Variants in FAM186A observed in about 807,000 individuals in gnomAD.
FAM186A encodes family with sequence similarity 186 member A, also known as protein FAM186A.
In FAM186A, 163 loss-of-function variants were observed where a neutral mutation model predicts 216.8. That is an observed-to-expected ratio of 0.75 (90% CI 0.66 to 0.86). The LOEUF (loss-of-function observed/expected upper bound fraction) is 0.86. Ranked by LOEUF, FAM186A falls within the 40% of genes least tolerant of loss-of-function variation. The pLI, the probability that FAM186A is intolerant of heterozygous loss-of-function variation, is 0.00. For synonymous variants in FAM186A, 805 were observed against 1,025.3 expected (o/e 0.79, Z 4.10); for missense variants, 2,184 against 2,746.2 (o/e 0.80, Z 4.58).
intron 1 of FAM186A, among the ~76,000 whole-genome samples, chr12:50,387,975 T>G (rs1310237453): frequency 1.3e-5 from 2 of 152,204 alleles, no homozygotes; most frequent in African/African-American, 4.8e-5. Flanking sequence ...TCATATTCTC[T>G]CTGGGCACAC....
Position 50,356,318 on chromosome 12 carries a change from A to G in FAM186A, c.584-70T>C, listed in dbSNP as rs116386980. Reference sequence around the variant, plus strand: ...TGCATTGTGTTCTATCTATGTTTAAATCTAAGGAATTTAGCCTAGATTAAC... The same window carrying G: ...TGCATTGTGTTCTATCTATGTTTAAGTCTAAGGAATTTAGCCTAGATTAAC... On this transcript the variant is annotated intron_variant, in intron 3 of 7. Coordinates refer to ENST00000327337, the MANE Select transcript of FAM186A (RefSeq NM_001145475.3). 625 of 1,277,748 alleles carry G rather than the reference A, an allele frequency of 4.9e-4. 5 individuals are homozygous for G. In the African/African-American group the frequency reaches 8.7e-3, roughly 18 times the overall value. The allele number at this position is 1,277,748 out of a possible 1,614,324, so 79.2% of individuals were successfully genotyped here. A position where few individuals can be genotyped will look rare whatever the true frequency, so the allele number is the denominator to read the frequency against.
Position 50,351,676 on chromosome 12 carries a change from T to C in FAM186A, c.5156A>G (p.Lys1719Arg), listed in dbSNP as rs1274899534. Residue 1719 changes from lysine (K) to arginine (R), a missense_variant, in exon 4 of 8, where the codon AAG (lysine) becomes AGG (arginine). Lys to Arg is a conservative substitution (Grantham distance 26). Around this residue, in one of 7 missense-constraint regions of FAM186A, gnomAD observed 721 missense variants for 816.4 expected, o/e 0.88. Transcript: ENST00000327337. ...GGATTGCCCAGTGGGGAGAGAAGCC[T>C]TCGATTTCTGAAATGGTCTATGGGA... ...QWSHRPFQKS[K>R]ASLPTGQSII... 2 of 1,551,568 alleles carry C rather than the reference T, an allele frequency of 1.3e-6. No individual in the cohort carries two copies. Among genetic ancestry groups the C allele is most frequent in the South Asian group, 1.2e-5 (1 of 84,068 alleles).
chr12:50,354,361 T>C lies in FAM186A; in HGVS notation c.2471A>G (p.Glu824Gly). ...DHKEKEKQRQ[E>G]QYLQEGQEQM... is the part of the protein sequence containing the mutation. Reference sequence around the variant, plus strand: ...TTCTTGACCCTCTTGCAAATATTGCTCCTGCCTTTGTTTTTCCTTCTCCTT... The same window carrying C: ...TTCTTGACCCTCTTGCAAATATTGCCCCTGCCTTTGTTTTTCCTTCTCCTT... Residue 824 changes from glutamate to glycine, a missense_variant, in exon 4 of 8, where the codon GAG becomes GGG. This residue lies in a region of FAM186A where 1,132 missense variants were observed against 1,263.4 expected (regional missense o/e 0.90). Coordinates refer to ENST00000327337, the MANE Select transcript of FAM186A (RefSeq NM_001145475.3). 1 of 1,551,678 alleles carries C rather than the reference T, an allele frequency of 6.4e-7. No homozygotes were observed. The highest frequency in any genetic ancestry group is 8.7e-7 in the Non-Finnish European group (1 of 1,146,998).
intron 1 of FAM186A, among the ~76,000 whole-genome samples, chr12:50,395,121 G>A (rs755711897): frequency 6.6e-6 from 1 of 152,088 alleles, no homozygotes; most frequent in African/African-American, 2.4e-5. Context: ...TTGAGACAGG[G>A]TCTCGCTATG....
rs1410173249 is a variant in FAM186A at position 50,351,520 on chromosome 12, G to A, written c.5312C>T (p.Pro1771Leu). Residue 1771 changes from proline to leucine, a missense_variant, in exon 4 of 8, where the codon CCC becomes CTC. Around this residue, in one of 7 missense-constraint regions of FAM186A, gnomAD observed 721 missense variants for 816.4 expected, o/e 0.88. Transcript: ENST00000327337. ...TTCTAGGGGCTTCCCAGGGGCAAAG[G>A]GGCCTTGGTTGAGGGGAACCCTTGA... ...QISRVPLNQG[P>L]FAPGKPLEMG... 7.9e-6 allele frequency: 12 copies of A among 1,512,062 alleles called. No homozygotes were observed. In the East Asian group the frequency reaches 2.9e-4, roughly 37 times the overall value. 93.7% of individuals were successfully genotyped at this position (1,512,062 alleles called of 1,614,324 possible).
intron 1 of FAM186A, among the ~76,000 whole-genome samples, chr12:50,389,178 C>T (rs988453819): frequency 2.6e-5 from 4 of 151,928 alleles, no homozygotes; most frequent in Admixed American, 2.0e-4. Flanking sequence ...CTAGCTTGAG[C>T]ACAATAACAA....
intron 1 of FAM186A, among the ~76,000 whole-genome samples, chr12:50,375,507 C>A (rs1206509269): frequency 6.6e-6 from 1 of 151,220 alleles, no homozygotes; most frequent in African/African-American, 2.4e-5. Context: ...CGAGATTGCA[C>A]CATTGCACTC....
rs532880129 is a variant in FAM186A, at chr12:50,332,607, G to T, written c.6697-786C>A. ...TCCTCTGAAATGCCCTAGGCATTGT[G>T]ATTCCTGTTAGATAACGCATGTTGC... On this transcript the variant is annotated intron_variant, in intron 5 of 7. Transcript: ENST00000327337. 1.4e-4 allele frequency among the ~76,000 whole-genome samples: 22 copies of T among 152,216 alleles called. 1 individual carries two copies. Among genetic ancestry groups the T allele is most frequent in the Middle Eastern group, 3.4e-3 (1 of 294 alleles).
Position 50,396,419 on chromosome 12 carries a change from G to A in FAM186A, c.66C>T (p.Ser22=). Reference sequence around the variant, plus strand: ...TTTGGGGCTCTCTTCTCATGATGGTGGAATCCTTGATGCATTTTTCTGATT... The same window carrying A: ...TTTGGGGCTCTCTTCTCATGATGGTAGAATCCTTGATGCATTTTTCTGATT... ...DPESEKCIKD[S]TIMRREPQNI... The change falls in exon 1 of 8, where the codon TCC becomes TCT. Residue 22 remains serine (S), a synonymous_variant. Coordinates refer to ENST00000327337, the MANE Select transcript of FAM186A (RefSeq NM_001145475.3). 6.4e-7 allele frequency: 1 copy of A among 1,551,408 alleles called. No individual in the cohort carries two copies.
At chr12:50,372,055 A>G (rs1592625114) in intron 1 of FAM186A, among the ~76,000 whole-genome samples, 1 of 151,892 alleles carries the variant, frequency 6.6e-6, no homozygotes, top group Admixed American at 6.6e-5. Flanking sequence ...CAGGTGATCC[A>G]CCTGCCTTGG....
chr12:50,331,655 C>A lies in FAM186A; in HGVS notation c.6848+15G>T, dbSNP rs1942657137. ...ATATCGTCCAAAGTTTAATATCAGT[C>A]TTTCTAGCACATACCTAAATTTCTT... On this transcript the variant is annotated intron_variant, in intron 6 of 7. Transcript: ENST00000327337. The A allele has an allele frequency of 3.3e-6, 5 of 1,526,428 alleles. No homozygotes were observed. In the South Asian group the frequency reaches 6.4e-5, roughly 19 times the overall value. The allele number at this position is 1,526,428 out of a possible 1,614,324, so 94.6% of individuals were successfully genotyped here.
intron 1 of FAM186A, among the ~76,000 whole-genome samples, chr12:50,391,542 C>G (rs1943357356): frequency 6.6e-6 from 1 of 151,672 alleles, no homozygotes; most frequent in African/African-American, 2.4e-5. Context: ...TCTCAAACTC[C>G]TGACCTTGTG....
chr12:50,328,099 T>C (rs1343577246), intron 7 of FAM186A, among the ~76,000 whole-genome samples: 1 of 152,256 alleles, frequency 6.6e-6, no homozygotes, highest in Non-Finnish European at 1.5e-5. Context: ...AATGGAATTT[T>C]TGTAGGAAAA....
intron 7 of FAM186A, among the ~76,000 whole-genome samples, chr12:50,329,694 C>G (rs1466551959): frequency 6.6e-6 from 1 of 151,706 alleles, no homozygotes; most frequent in Non-Finnish European, 1.5e-5. Flanking sequence ...ACCTCCTGGG[C>G]TCAAGCAATT....
chr12:50,396,223 A>C (rs1943411464), intron 1 of FAM186A, 70 bp downstream of exon 1: 1 of 1,380,350 alleles, frequency 7.2e-7, no homozygotes, highest in Non-Finnish European at 9.6e-7. Flanking sequence ...TAAAATAAAC[A>C]AAAATGTACT....
chr12:50,383,266 AAAAAAAAAAAAAAG>A (rs1443092754), intron 1 of FAM186A, among the ~76,000 whole-genome samples: 6 of 84,982 alleles, frequency 7.1e-5, no homozygotes, highest in African/African-American at 1.7e-4. Context: ...AAAAAAAAAA[AAAAAAAAAAAAAAG>A]AGAGAGAGAG....
At chr12:50,336,514 G>A (rs1192249455) in intron 4 of FAM186A, among the ~76,000 whole-genome samples, 1 of 152,026 alleles carries the variant, frequency 6.6e-6, no homozygotes, top group African/African-American at 2.4e-5. Flanking sequence ...CATACCTTTT[G>A]AATCAAAATC....
At chr12:50,389,117 G>A (rs1197135431) in intron 1 of FAM186A, among the ~76,000 whole-genome samples, 5 of 152,050 alleles carry the variant, frequency 3.3e-5, no homozygotes, top group Non-Finnish European at 7.4e-5. Context: ...TGTAATCTCA[G>A]CATTTTGGGA....
At chr12:50,337,459 A>ATTT (rs770966416) in intron 4 of FAM186A, among the ~76,000 whole-genome samples, 2 of 133,522 alleles carry the variant, frequency 1.5e-5, no homozygotes, top group African/African-American at 2.7e-5. Context: ...AGGCCTGCCA[A>ATTT]TTTTTTTTTT....
Sources: allele counts gnomAD v4.1 joint callset (sites outside exome capture counted in the v4.1 genomes callset), GRCh38; gene constraint gnomAD v4.1.1; regional missense constraint gnomAD v4.1.1; transcripts MANE v1.5; gene names NCBI Gene and HGNC (gene_info 2026-07-23, HGNC 2026-07-21).